FAM110D: variants seen among roughly 807,000 people sequenced by gnomAD.
The protein encoded by FAM110D is family with sequence similarity 110 member D.
For missense variants in FAM110D, 376 were observed against 395.6 expected, an observed-to-expected ratio of 0.95 and a Z score of 0.42; for synonymous variants, 174 against 189.4, an observed-to-expected ratio of 0.92 and a Z score of 0.67.
rs1008982662 is a variant in FAM110D, at chr1:26,162,144, G to A, written c.*37G>A. The A allele has an allele frequency of 1.6e-6, 2 of 1,216,682 alleles. No individual in the cohort carries two copies. The highest frequency in any genetic ancestry group is 1.6e-5 in the African/African-American group (1 of 63,694). 75.4% of individuals were successfully genotyped at this position (1,216,682 alleles called of 1,614,324 possible). ...CCGGACTGGCCCCGGGACTGGCCCC[G>A]GGCACGGAAAAGGACACCCCTCTTC... On this transcript the variant is annotated 3_prime_UTR_variant, in exon 2 of 2. Coordinates refer to ENST00000374268, the MANE Select transcript of FAM110D (RefSeq NM_024869.3). This position sits in a 1 kb window ranked among gnomAD's most constrained non-coding sequence, Gnocchi z 5.3.
At position 26,161,622 on chromosome 1, in the gene FAM110D, C is replaced by T; in HGVS notation, c.331C>T (p.Leu111Phe). The change falls in exon 2 of 2, where the codon CTC becomes TTC. Residue 111 changes from leucine (L) to phenylalanine (F), a missense_variant. Physicochemically the swap from Leu to Phe is conservative, Grantham distance 22. Coordinates refer to ENST00000374268, the MANE Select transcript of FAM110D (RefSeq NM_024869.3). The surrounding 1 kb of genome is among the most constrained non-coding windows in gnomAD (Gnocchi z 5.4). Reference sequence around the variant, plus strand: ...CAAGGGCCAGGGTCTGGTGCGGCGCCTCTTTCTGGGTGCCCCGCGGGACGC... The same window carrying T: ...CAAGGGCCAGGGTCTGGTGCGGCGCTTCTTTCTGGGTGCCCCGCGGGACGC... ...NAKGQGLVRR[L>F]FLGAPRDAAP... is the part of the protein sequence containing the mutation. 6.4e-7 allele frequency: 1 copy of T among 1,551,182 alleles called. No individual in the cohort carries two copies. The highest frequency in any genetic ancestry group is 1.2e-5 in the South Asian group (1 of 84,126).
chr1:26,159,674 G>A (rs2088342228), intron 1 of FAM110D, among the ~76,000 whole-genome samples: 1 of 151,330 alleles, frequency 6.6e-6, no homozygotes, highest in Non-Finnish European at 1.5e-5. Context: ...CTGCCCCAAG[G>A]CCTCTCACAG....
In FAM110D at chr1:26,161,929, C is replaced by A; in HGVS notation, c.638C>A (p.Ser213Tyr). The A allele has an allele frequency of 7.1e-7, 1 of 1,404,970 alleles. No individual in the cohort carries two copies. Among genetic ancestry groups the A allele is most frequent in the South Asian group, 1.6e-5 (1 of 64,368 alleles). 87.0% of individuals were successfully genotyped at this position (1,404,970 alleles called of 1,614,324 possible). A position where few individuals can be genotyped will look rare whatever the true frequency, so the allele number is the denominator to read the frequency against. Residue 213 changes from serine to tyrosine, a missense_variant, in exon 2 of 2, where the codon TCC becomes TAC. Physicochemically the swap from Ser to Tyr is moderately radical, Grantham distance 144. Transcript: ENST00000374268. This position sits in a 1 kb window ranked among gnomAD's most constrained non-coding sequence, Gnocchi z 5.4. ...TCCGGGGACGCCAGCGACTGGACAT[C>A]CAGCGACAGGGGCGTGGACAGCCCG... Reference protein sequence around the residue: ...PGSGDASDWTSSDRGVDSPGG... With the variant: ...PGSGDASDWTYSDRGVDSPGG...
chr1:26,159,687 T>A (rs1209586915), intron 1 of FAM110D, among the ~76,000 whole-genome samples: 3 of 151,658 alleles, frequency 2.0e-5, no homozygotes, highest in Non-Finnish European at 4.4e-5. Context: ...TCTCACAGAC[T>A]CCTTCCCCAC....
Position 26,162,013 on chromosome 1 carries a change from C to T in FAM110D, c.722C>T (p.Pro241Leu), listed in dbSNP as rs908334537. ...EAAGSARDRR[P>L]PVSVVERNAR... Reference sequence around the variant, plus strand: ...GCGGGCTCGGCGCGGGACCGGCGCCCCCCGGTGTCGGTGGTGGAGCGCAAC... The same window carrying T: ...GCGGGCTCGGCGCGGGACCGGCGCCTCCCGGTGTCGGTGGTGGAGCGCAAC... The change falls in exon 2 of 2, where the codon CCC becomes CTC. Residue 241 changes from proline (P) to leucine (L), a missense_variant. Physicochemically the swap from Pro to Leu is moderately conservative, Grantham distance 98 (BLOSUM62 -3). Transcript: ENST00000374268. This position sits in a 1 kb window ranked among gnomAD's most constrained non-coding sequence, Gnocchi z 5.3. 5 of 1,237,212 alleles carry T rather than the reference C, an allele frequency of 4.0e-6. No homozygotes were observed. The African/African-American group carries it at 7.8e-5, about 19-fold the overall frequency. The allele number at this position is 1,237,212 out of a possible 1,614,324, so 76.6% of individuals were successfully genotyped here. A position where few individuals can be genotyped will look rare whatever the true frequency, so the allele number is the denominator to read the frequency against.
chr1:26,161,475 G>T lies in FAM110D; in HGVS notation c.184G>T (p.Ala62Ser), dbSNP rs760863809. 1 of 1,558,470 alleles carries T rather than the reference G, an allele frequency of 6.4e-7. No individual in the cohort carries two copies. Among genetic ancestry groups the T allele is most frequent in the Non-Finnish European group, 8.7e-7 (1 of 1,151,712 alleles). The change falls in exon 2 of 2, where the codon GCA becomes TCA. Residue 62 changes from alanine (A) to serine (S), a missense_variant. Coordinates refer to ENST00000374268, the MANE Select transcript of FAM110D (RefSeq NM_024869.3). This position sits in a 1 kb window ranked among gnomAD's most constrained non-coding sequence, Gnocchi z 5.4. ...CCCCTGCAACGAGCTGGGGCCCCCTGCATCGCCCAGGACGCCCAGGCCGGT... is the reference window on the plus strand; with the variant it reads ...CCCCTGCAACGAGCTGGGGCCCCCTTCATCGCCCAGGACGCCCAGGCCGGT... ...PHPCNELGPP[A>S]SPRTPRPVRR...
chr1:26,162,584 A>T lies in FAM110D; in HGVS notation c.*477A>T, dbSNP rs1366832889. 1 of 167,712 alleles carries T rather than the reference A, an allele frequency of 6.0e-6. No individual in the cohort carries two copies. Among genetic ancestry groups the T allele is most frequent in the Non-Finnish European group, 1.5e-5 (1 of 68,742 alleles). The allele number at this position is 167,712 out of a possible 1,614,324, so 10.4% of individuals were successfully genotyped here. On this transcript the variant is annotated 3_prime_UTR_variant, in exon 2 of 2. Coordinates refer to ENST00000374268, the MANE Select transcript of FAM110D (RefSeq NM_024869.3). This position sits in a 1 kb window ranked among gnomAD's most constrained non-coding sequence, Gnocchi z 5.3. ...TTGTAATGCGCATGGCAAAGTGCCC[A>T]GCATATAGAAAGTGCTCAATAAACG... is the stretch of plus-strand genomic sequence containing the variant.
chr1:26,161,519 G>C lies in FAM110D; in HGVS notation c.228G>C (p.Arg76Ser). Reference protein sequence around the residue: ...TPRPVRRGSGRRLPRPDSLIF... With the variant: ...TPRPVRRGSGSRLPRPDSLIF... ...GGCCGGTCCGCCGGGGAAGCGGCAG[G>C]CGGCTGCCGAGGCCTGATTCCCTCA... is the stretch of plus-strand genomic sequence containing the variant. Residue 76 changes from arginine to serine, a missense_variant, in exon 2 of 2, where the codon AGG (arginine) becomes AGC (serine). Coordinates refer to ENST00000374268, the MANE Select transcript of FAM110D (RefSeq NM_024869.3). The surrounding 1 kb of genome is among the most constrained non-coding windows in gnomAD (Gnocchi z 5.4). 1 of 1,551,124 alleles carries C rather than the reference G, an allele frequency of 6.4e-7. No homozygotes were observed. Among genetic ancestry groups the C allele is most frequent in the Non-Finnish European group, 8.7e-7 (1 of 1,147,344 alleles).
Position 26,161,703 on chromosome 1 carries a change from G to A in FAM110D, c.412G>A (p.Ala138Thr). 6.4e-7 allele frequency: 1 copy of A among 1,550,764 alleles called. No homozygotes were observed. The highest frequency in any genetic ancestry group is 8.7e-7 in the Non-Finnish European group (1 of 1,147,370). Residue 138 changes from alanine (A) to threonine (T), a missense_variant, in exon 2 of 2, where the codon GCG becomes ACG. By Grantham distance (58) the Ala-to-Thr change is moderately conservative. Transcript: ENST00000374268. This position sits in a 1 kb window ranked among gnomAD's most constrained non-coding sequence, Gnocchi z 5.4. ...ACCTGCGGCTTCAGGGGGTTGGGCTGCGCCCCAGGATGCCCCGGAAGCGGC... is the reference window on the plus strand; with the variant it reads ...ACCTGCGGCTTCAGGGGGTTGGGCTACGCCCCAGGATGCCCCGGAAGCGGC... Reference protein sequence around the residue: ...ERPAASGGWAAPQDAPEAAGK... With the variant: ...ERPAASGGWATPQDAPEAAGK...
At position 26,162,353 on chromosome 1, in the gene FAM110D, G is replaced by T. The variant is rs922295311; in HGVS notation, c.*246G>T. ...GGGAGTCACGATTGGGGTGGGAGATGAGCAAACCTGCTGAATAAAGTTAAA... is the reference window on the plus strand; with the variant it reads ...GGGAGTCACGATTGGGGTGGGAGATTAGCAAACCTGCTGAATAAAGTTAAA... On this transcript the variant is annotated 3_prime_UTR_variant, in exon 2 of 2. Coordinates refer to ENST00000374268, the MANE Select transcript of FAM110D (RefSeq NM_024869.3). This position sits in a 1 kb window ranked among gnomAD's most constrained non-coding sequence, Gnocchi z 5.3. The T allele has an allele frequency of 3.7e-5, 13 of 352,460 alleles. No homozygotes were observed. The highest frequency in any genetic ancestry group is 2.6e-4 in the African/African-American group (12 of 46,594). The allele number at this position is 352,460 out of a possible 1,614,324, so 21.8% of individuals were successfully genotyped here. A position where few individuals can be genotyped will look rare whatever the true frequency, so the allele number is the denominator to read the frequency against.
At position 26,161,235 on chromosome 1, in the gene FAM110D, G is replaced by A; in HGVS notation, c.-57G>A. The A allele has an allele frequency of 1.4e-6, 2 of 1,459,322 alleles. No individual in the cohort carries two copies. The highest frequency in any genetic ancestry group is 2.9e-5 in the South Asian group (2 of 70,120). The allele number at this position is 1,459,322 out of a possible 1,614,324, so 90.4% of individuals were successfully genotyped here. A position where few individuals can be genotyped will look rare whatever the true frequency, so the allele number is the denominator to read the frequency against. On this transcript the variant is annotated 5_prime_UTR_variant, in exon 2 of 2. Transcript: ENST00000374268. The surrounding 1 kb of genome is among the most constrained non-coding windows in gnomAD (Gnocchi z 5.4). ...AGGTCAGTGAGAGCCCAAGCCAATTGCTCTAGGCCCCGTGGCTGGCTACTT... is the reference window on the plus strand; with the variant it reads ...AGGTCAGTGAGAGCCCAAGCCAATTACTCTAGGCCCCGTGGCTGGCTACTT...
At chr1:26,159,792 G>T (rs1036816712) in intron 1 of FAM110D, among the ~76,000 whole-genome samples, 1 of 152,040 alleles carries the variant, frequency 6.6e-6, no homozygotes, top group Admixed American at 6.6e-5. Context: ...GGGTGGGGTC[G>T]GGTGTGCAGG....
Position 26,161,184 on chromosome 1 carries a change from T to G in FAM110D, c.-80-28T>G. 8.6e-7 allele frequency: 1 copy of G among 1,158,686 alleles called. No homozygotes were observed. Among genetic ancestry groups the G allele is most frequent in the Non-Finnish European group, 1.2e-6 (1 of 834,696 alleles). 71.8% of individuals were successfully genotyped at this position (1,158,686 alleles called of 1,614,324 possible). A position where few individuals can be genotyped will look rare whatever the true frequency, so the allele number is the denominator to read the frequency against. The stretch of plus-strand genomic sequence containing the variant: ...AGAGGACCAGGGGCATTTCCTACCC[T>G]TCCCCTGACCTTCCTCTCTCCCTGC... On this transcript the variant is annotated intron_variant, in intron 1 of 1. Transcript: ENST00000374268. This position sits in a 1 kb window ranked among gnomAD's most constrained non-coding sequence, Gnocchi z 5.4.
At position 26,161,220 on chromosome 1, in the gene FAM110D, G is replaced by C; in HGVS notation, c.-72G>C. 1 of 1,412,722 alleles carries C rather than the reference G, an allele frequency of 7.1e-7. No homozygotes were observed. The allele number at this position is 1,412,722 out of a possible 1,614,324, so 87.5% of individuals were successfully genotyped here. On this transcript the variant is annotated 5_prime_UTR_variant, in exon 2 of 2. Coordinates refer to ENST00000374268, the MANE Select transcript of FAM110D (RefSeq NM_024869.3). This position sits in a 1 kb window ranked among gnomAD's most constrained non-coding sequence, Gnocchi z 5.4. Reference sequence around the variant, plus strand: ...TTCCTCTCTCCCTGCAGGTCAGTGAGAGCCCAAGCCAATTGCTCTAGGCCC... The same window carrying C: ...TTCCTCTCTCCCTGCAGGTCAGTGACAGCCCAAGCCAATTGCTCTAGGCCC...
Position 26,161,798 on chromosome 1 carries a change from C to T in FAM110D, c.507C>T (p.Cys169=), listed in dbSNP as rs1300026629. Residue 169 remains cysteine, a synonymous_variant, in exon 2 of 2, where the codon TGC becomes TGT. Coordinates refer to ENST00000374268, the MANE Select transcript of FAM110D (RefSeq NM_024869.3). This position sits in a 1 kb window ranked among gnomAD's most constrained non-coding sequence, Gnocchi z 5.4. ...LSEKERFFNY[C]GLERALVEVL... Reference sequence around the variant, plus strand: ...AGAAGGAGCGCTTCTTCAACTACTGCGGCCTGGAGCGCGCGCTGGTGGAGG... The same window carrying T: ...AGAAGGAGCGCTTCTTCAACTACTGTGGCCTGGAGCGCGCGCTGGTGGAGG... 3.9e-6 allele frequency: 6 copies of T among 1,550,068 alleles called. No individual in the cohort carries two copies. The South Asian group carries it at 4.8e-5, about 12-fold the overall frequency.
chr1:26,161,464 T>G lies in FAM110D; in HGVS notation c.173T>G (p.Leu58Arg). 1 of 1,563,098 alleles carries G rather than the reference T, an allele frequency of 6.4e-7. No individual in the cohort carries two copies. Among genetic ancestry groups the G allele is most frequent in the Non-Finnish European group, 8.7e-7 (1 of 1,154,268 alleles). The part of the protein sequence containing the change: ...GPLTPHPCNE[L>R]GPPASPRTPR... ...CTCACGCCGCACCCCTGCAACGAGCTGGGGCCCCCTGCATCGCCCAGGACG... is the reference window on the plus strand; with the variant it reads ...CTCACGCCGCACCCCTGCAACGAGCGGGGGCCCCCTGCATCGCCCAGGACG... The change falls in exon 2 of 2, where the codon CTG (leucine) becomes CGG (arginine). Residue 58 changes from leucine (L) to arginine (R), a missense_variant. Leu to Arg is a moderately radical substitution (Grantham distance 102). Transcript: ENST00000374268. The surrounding 1 kb of genome is among the most constrained non-coding windows in gnomAD (Gnocchi z 5.4).
Position 26,162,838 on chromosome 1 carries a change from G to C in FAM110D, c.*731G>C, listed in dbSNP as rs2088383407. ...ATGAAGGGCTGAGATCCAACCTTTC[G>C]GACACAAAAAGAAGGGAACCGGGCC... On this transcript the variant is annotated 3_prime_UTR_variant, in exon 2 of 2. Transcript: ENST00000374268. This position sits in a 1 kb window ranked among gnomAD's most constrained non-coding sequence, Gnocchi z 5.3. 6.6e-6 allele frequency: 1 copy of C among 152,118 alleles called. No homozygotes were observed. The highest frequency in any genetic ancestry group is 2.1e-4 in the South Asian group (1 of 4,822). 9.4% of individuals were successfully genotyped at this position (152,118 alleles called of 1,614,324 possible). A position where few individuals can be genotyped will look rare whatever the true frequency, so the allele number is the denominator to read the frequency against.
Position 26,161,787 on chromosome 1 carries a change from T to C in FAM110D, c.496T>C (p.Phe166Leu). The C allele has an allele frequency of 6.4e-7, 1 of 1,551,154 alleles. No individual in the cohort carries two copies. The highest frequency in any genetic ancestry group is 1.2e-5 in the South Asian group (1 of 84,164). ...SLPLSEKERF[F>L]NYCGLERALV... ...GCCCCTGTCGGAGAAGGAGCGCTTC[T>C]TCAACTACTGCGGCCTGGAGCGCGC... The change falls in exon 2 of 2, where the codon TTC becomes CTC. Residue 166 changes from phenylalanine to leucine, a missense_variant. By Grantham distance (22) the Phe-to-Leu change is conservative. Transcript: ENST00000374268. The surrounding 1 kb of genome is among the most constrained non-coding windows in gnomAD (Gnocchi z 5.4).
rs544475011 is a variant in FAM110D, at chr1:26,160,703, C to A, written c.-80-509C>A. On this transcript the variant is annotated intron_variant, in intron 1 of 1. Transcript: ENST00000374268. ...TGGGGACCACCTCCCTCTCCTGCCC[C>A]GATGGCCCTGCTGGGCCTGGGCAGG... 7.4e-4 allele frequency among the ~76,000 whole-genome samples: 112 copies of A among 152,336 alleles called. 1 individual carries two copies. Among genetic ancestry groups the A allele is most frequent in the African/African-American group, 2.6e-3 (109 of 41,580 alleles).
Sources: allele counts gnomAD v4.1 joint callset (sites outside exome capture counted in the v4.1 genomes callset), GRCh38; gene constraint gnomAD v4.1.1; non-coding constraint Gnocchi (gnomAD v3.1); transcripts MANE v1.5; gene names NCBI Gene and HGNC (gene_info 2026-07-23, HGNC 2026-07-21).